NCBP3: variants seen among roughly 807,000 people sequenced by gnomAD.
NCBP3 encodes nuclear cap-binding protein subunit 3.
A neutral mutation model predicts 75.7 loss-of-function variants in NCBP3; 20 were observed. The ratio of observed to expected loss-of-function variants is 0.26; its 90% CI spans 0.19 to 0.38. NCBP3 has a LOEUF of 0.38. Ranked by LOEUF, NCBP3 falls within the 10% of genes least tolerant of loss-of-function variation. The probability of loss-of-function intolerance (pLI) is 1.00; values close to 1 mark genes in which losing one functional copy is unlikely to be tolerated. For missense variants in NCBP3, 678 were observed against 796.9 expected (o/e 0.85, Z 1.80); for synonymous variants, 293 against 290.5 (o/e 1.01, Z -0.09).
At chr17:3,832,668 A>AAAG (rs1165242597) in intron 3 of NCBP3, among the ~76,000 whole-genome samples, 6 of 152,056 alleles carry the variant, frequency 3.9e-5, no homozygotes, top group African/African-American at 1.4e-4. Flanking sequence ...AAAAATAAAA[A>AAAG]AAGGATTTAA....
intron 10 of NCBP3, among the ~76,000 whole-genome samples, chr17:3,816,890 G>T (rs1016648983): frequency 6.6e-6 from 1 of 152,076 alleles, no homozygotes; most frequent in African/African-American, 2.4e-5. Flanking sequence ...AAAATTAGCT[G>T]GGCGTGGTGG....
intron 6 of NCBP3, among the ~76,000 whole-genome samples, chr17:3,825,460 A>G (rs542248506): frequency 6.6e-6 from 1 of 152,382 alleles, no homozygotes; most frequent in African/African-American, 2.4e-5. Context: ...TTTTAACAAC[A>G]GTACATAATC....
chr17:3,804,846 TGA>T lies in NCBP3; in HGVS notation c.*8196_*8197del, dbSNP rs2053320261. 6.6e-6 allele frequency: 1 copy of T among 152,246 alleles called. No individual in the cohort carries two copies. Among genetic ancestry groups the T allele is most frequent in the African/African-American group, 2.4e-5 (1 of 41,454 alleles). The allele number at this position is 152,246 out of a possible 1,614,324, so 9.4% of individuals were successfully genotyped here. On this transcript the variant is annotated 3_prime_UTR_variant, in exon 13 of 13. Transcript: ENST00000389005. ...ATTTCTCAGATAAGGATGCTGCCTC[TGA>T]GAGGCCACATAGCTAGTAAGGAGCA...
rs940182895 is a variant in NCBP3, at chr17:3,818,909, G to A, written c.1001-337C>T. Among the ~76,000 whole-genome samples, 10 of 152,242 alleles carry A rather than the reference G, an allele frequency of 6.6e-5. No individual in the cohort carries two copies. Among genetic ancestry groups the A allele is most frequent in the African/African-American group, 2.4e-4 (10 of 41,550 alleles). On this transcript the variant is annotated intron_variant, in intron 9 of 12. Transcript: ENST00000389005. This position sits in a 1 kb window ranked among gnomAD's most constrained non-coding sequence, Gnocchi z 4.7. ...TGCTTCCATGGTCATTTGCTGGCAC[G>A]CACAGAGTGGCAAAAAAATCTGAGT... is the stretch of plus-strand genomic sequence containing the variant.
chr17:3,826,905 C>T (rs891470686), intron 4 of NCBP3, among the ~76,000 whole-genome samples: 5 of 150,632 alleles, frequency 3.3e-5, no homozygotes, highest in Admixed American at 1.3e-4. Flanking sequence ...CCCAGCTACT[C>T]GGGAGGCTGA....
In NCBP3 at chr17:3,806,744, A is replaced by AATATT. The variant is rs1332029210; in HGVS notation, c.*6295_*6299dup. 6.6e-6 allele frequency: 1 copy of AATATT among 151,788 alleles called. No homozygotes were observed. Among genetic ancestry groups the AATATT allele is most frequent in the Non-Finnish European group, 1.5e-5 (1 of 67,928 alleles). 9.4% of individuals were successfully genotyped at this position (151,788 alleles called of 1,614,324 possible). A position where few individuals can be genotyped will look rare whatever the true frequency, so the allele number is the denominator to read the frequency against. ...AAAAAAAAAAAAAAAAAAAAGCTAC[A>AATATT]ATATTTTTCTTCTAAGATTTATTTT... On this transcript the variant is annotated 3_prime_UTR_variant, in exon 13 of 13. Transcript: ENST00000389005.
At chr17:3,814,555 CT>C in intron 11 of NCBP3, 72 bp from the exon 12 acceptor site, 2 of 1,520,176 alleles carry the variant, frequency 1.3e-6, no homozygotes, top group South Asian at 2.4e-5. Flanking sequence ...CCTGACACCT[CT>C]AACGGATCTG....
intron 8 of NCBP3, 97 bp from the exon 9 acceptor site, chr17:3,821,449 G>A: frequency 1.1e-6 from 1 of 933,390 alleles, no homozygotes; most frequent in Non-Finnish European, 1.6e-6. Context: ...TTGTGATGGA[G>A]TCTCAATCTC....
rs774480417 is a variant in NCBP3, at chr17:3,821,271, C to T, written c.978G>A (p.Thr326=). The part of the protein sequence containing the change: ...RALIGDDVGL[T]SYKHRHSGLV... The stretch of plus-strand genomic sequence containing the variant: ...TACCAGAATGTCGATGTTTATACGA[C>T]GTCAAGCCAACGTCATCCCCAATCA... The change falls in exon 9 of 13, where the codon ACG becomes ACA. Residue 326 remains threonine (T), a synonymous_variant. Coordinates refer to ENST00000389005, the MANE Select transcript of NCBP3 (RefSeq NM_001114118.3). The T allele has an allele frequency of 1.2e-5, 20 of 1,613,742 alleles. No individual in the cohort carries two copies. Among genetic ancestry groups the T allele is most frequent in the Middle Eastern group, 1.6e-4 (1 of 6,084 alleles).
At chr17:3,827,015 A>G (rs942117807) in intron 4 of NCBP3, among the ~76,000 whole-genome samples, 2 of 142,002 alleles carry the variant, frequency 1.4e-5, no homozygotes, top group Non-Finnish European at 3.0e-5. Context: ...CTGTCAAGAA[A>G]AAACAAAAGG....
intron 11 of NCBP3, among the ~76,000 whole-genome samples, chr17:3,814,818 G>A (rs2053498753): frequency 6.6e-6 from 1 of 152,014 alleles, no homozygotes; most frequent in Non-Finnish European, 1.5e-5. Context: ...CTCCTGGAAA[G>A]TGGAAGGCAC....
Position 3,812,800 on chromosome 17 carries a change from A to G in NCBP3, c.*244T>C. 7.4e-7 allele frequency: 1 copy of G among 1,350,368 alleles called. No homozygotes were observed. Among genetic ancestry groups the G allele is most frequent in the Non-Finnish European group, 9.5e-7 (1 of 1,049,002 alleles). 83.6% of individuals were successfully genotyped at this position (1,350,368 alleles called of 1,614,324 possible). A position where few individuals can be genotyped will look rare whatever the true frequency, so the allele number is the denominator to read the frequency against. Reference sequence around the variant, plus strand: ...GAGGGCTGCCTTTTTCTCAAAGGGTAAAGCCTGTGGGGTGGTGGGAAAGGA... The same window carrying G: ...GAGGGCTGCCTTTTTCTCAAAGGGTGAAGCCTGTGGGGTGGTGGGAAAGGA... On this transcript the variant is annotated 3_prime_UTR_variant, in exon 13 of 13. Coordinates refer to ENST00000389005, the MANE Select transcript of NCBP3 (RefSeq NM_001114118.3).
At chr17:3,832,621 A>C (rs921010228) in intron 3 of NCBP3, among the ~76,000 whole-genome samples, 2 of 150,920 alleles carry the variant, frequency 1.3e-5, no homozygotes, top group African/African-American at 4.8e-5. Context: ...ACAGAGCGAG[A>C]GGCCATCTCA....
chr17:3,828,808 T>A (rs2053829722), intron 4 of NCBP3, among the ~76,000 whole-genome samples: 1 of 152,196 alleles, frequency 6.6e-6, no homozygotes, highest in Admixed American at 6.5e-5. Flanking sequence ...CAGTGTCTAT[T>A]CTGGTCTATC....
intron 1 of NCBP3, among the ~76,000 whole-genome samples, chr17:3,845,310 G>C (rs182777993): frequency 6.6e-6 from 1 of 152,262 alleles, no homozygotes; most frequent in Non-Finnish European, 1.5e-5. Context: ...TGTTAGGTGA[G>C]AAATTAAGAG....
rs143090421 is a variant in NCBP3 at position 3,836,393 on chromosome 17, G to A, written c.355+3707C>T. On this transcript the variant is annotated intron_variant, in intron 3 of 12. Transcript: ENST00000389005. ...TCATTGGCCGGGCGCAGTGGCTCACGCCTGTAATCCCAGCACTTTGGGAGG... is the reference window on the plus strand; with the variant it reads ...TCATTGGCCGGGCGCAGTGGCTCACACCTGTAATCCCAGCACTTTGGGAGG... Among the ~76,000 whole-genome samples, 7 of 152,112 alleles carry A rather than the reference G, an allele frequency of 4.6e-5. No individual in the cohort carries two copies. The East Asian group carries it at 7.8e-4, about 17-fold the overall frequency.
chr17:3,833,650 A>ATTT (rs1567592644), intron 3 of NCBP3, among the ~76,000 whole-genome samples: 11 of 151,046 alleles, frequency 7.3e-5, no homozygotes, highest in African/African-American at 2.7e-4. Context: ...ATTTTTTTTA[A>ATTT]AAAAAAAGAC....
intron 1 of NCBP3, among the ~76,000 whole-genome samples, chr17:3,845,509 G>T (rs1321037333): frequency 1.3e-5 from 2 of 152,100 alleles, no homozygotes; most frequent in African/African-American, 4.8e-5. Flanking sequence ...AGCTGCGGGG[G>T]GGGCAAGATG....
rs186795136 is a variant in NCBP3 at position 3,823,085 on chromosome 17, G to A, written c.797-1033C>T. Reference sequence around the variant, plus strand: ...TCCCAGTACTTTGGGAGGCTGAGGCGGGCGGATCACAAGGTCAAGAGATCG... The same window carrying A: ...TCCCAGTACTTTGGGAGGCTGAGGCAGGCGGATCACAAGGTCAAGAGATCG... On this transcript the variant is annotated intron_variant, in intron 7 of 12. Transcript: ENST00000389005. Among the ~76,000 whole-genome samples, 450 of 152,260 alleles carry A rather than the reference G, an allele frequency of 3.0e-3. 1 individual carries two copies. Among genetic ancestry groups the A allele is most frequent in the African/African-American group, 0.01 (425 of 41,550 alleles).
Sources: allele counts gnomAD v4.1 joint callset (sites outside exome capture counted in the v4.1 genomes callset), GRCh38; gene constraint gnomAD v4.1.1; non-coding constraint Gnocchi (gnomAD v3.1); transcripts MANE v1.5; gene names NCBI Gene and HGNC (gene_info 2026-07-23, HGNC 2026-07-21).